The following CRTC3 variants were observed in gnomAD, a reference collection of about 807,000 sequenced individuals.
CRTC3 encodes CREB regulated transcription coactivator 3.
Under a neutral mutation model 74.5 loss-of-function variants are expected in CRTC3, and 26 were observed. The observed-to-expected ratio is 0.35, with a 90% CI of 0.26 to 0.48. The LOEUF is 0.48. CRTC3 is among the 20% of genes least tolerant of loss of function. The probability of loss-of-function intolerance (pLI) is 0.99; values close to 1 mark genes in which losing one functional copy is unlikely to be tolerated. For synonymous variants in CRTC3, 377 were observed against 325.8 expected, an observed-to-expected ratio of 1.16 and a Z score of -1.69; for missense variants, 760 against 787.3, an observed-to-expected ratio of 0.97 and a Z score of 0.41.
rs538768731 is a variant in CRTC3, at chr15:90,642,587, C to T, written c.*447C>T. Reference sequence around the variant, plus strand: ...GGCGGCGGCACCGGAGAGGGCACCTCGATGCCTGCTCTGACCTGACCCAGA... The same window carrying T: ...GGCGGCGGCACCGGAGAGGGCACCTTGATGCCTGCTCTGACCTGACCCAGA... On this transcript the variant is annotated 3_prime_UTR_variant, in exon 15 of 15. Transcript: ENST00000268184. 2.1e-4 allele frequency: 65 copies of T among 307,246 alleles called. No homozygotes were observed. The highest frequency in any genetic ancestry group is 1.3e-3 in the African/African-American group (63 of 47,304). 19.0% of individuals were successfully genotyped at this position (307,246 alleles called of 1,614,324 possible).
Position 90,580,531 on chromosome 15 carries a change from G to A in CRTC3, c.232-13105G>A, listed in dbSNP as rs141910341. On this transcript the variant is annotated intron_variant, in intron 2 of 14. Coordinates refer to ENST00000268184, the MANE Select transcript of CRTC3 (RefSeq NM_022769.5). ...GCACCTCTGCCTCCTGGGTTCAAGCGATTCTCCTGCCTTAGATTCCAGAGT... is the reference window on the plus strand; with the variant it reads ...GCACCTCTGCCTCCTGGGTTCAAGCAATTCTCCTGCCTTAGATTCCAGAGT... 8.6e-5 allele frequency among the ~76,000 whole-genome samples: 13 copies of A among 151,662 alleles called. No individual in the cohort carries two copies. The East Asian group carries it at 1.2e-3, about 14-fold the overall frequency.
intron 2 of CRTC3, among the ~76,000 whole-genome samples, chr15:90,581,960 C>A (rs1403087595): frequency 6.6e-6 from 1 of 152,120 alleles, no homozygotes; most frequent in African/African-American, 2.4e-5. Flanking sequence ...TGTCTCCTTT[C>A]CTGCTTGGCC....
At chr15:90,573,804 G>C (rs1000667192) in intron 2 of CRTC3, among the ~76,000 whole-genome samples, 1 of 152,202 alleles carries the variant, frequency 6.6e-6, no homozygotes, top group African/African-American at 2.4e-5. Context: ...AAAAAGTGCA[G>C]TGAACAGTAT....
rs538644015 is a variant in CRTC3, at chr15:90,549,468, A to G, written c.231+9331A>G. Among the ~76,000 whole-genome samples, 38 of 152,282 alleles carry G rather than the reference A, an allele frequency of 2.5e-4. No individual in the cohort carries two copies. In the South Asian group the frequency reaches 6.2e-3, roughly 25 times the overall value. ...ATTTGAAAATTTTAAAGCCTTTTTA[A>G]TAACTATTAGATATACTATCAGGCA... On this transcript the variant is annotated intron_variant, in intron 2 of 14. Coordinates refer to ENST00000268184, the MANE Select transcript of CRTC3 (RefSeq NM_022769.5).
At chr15:90,574,453 G>T (rs1419134644) in intron 2 of CRTC3, among the ~76,000 whole-genome samples, 1 of 152,084 alleles carries the variant, frequency 6.6e-6, no homozygotes, top group Non-Finnish European at 1.5e-5. Context: ...ACTCTAGCCT[G>T]GTGACAGAGC....
chr15:90,642,260 G>T lies in CRTC3; in HGVS notation c.*120G>T. 7.9e-6 allele frequency: 6 copies of T among 760,992 alleles called. No homozygotes were observed. Among genetic ancestry groups the T allele is most frequent in the Non-Finnish European group, 1.3e-5 (6 of 461,464 alleles). The allele number at this position is 760,992 out of a possible 1,614,324, so 47.1% of individuals were successfully genotyped here. A position where few individuals can be genotyped will look rare whatever the true frequency, so the allele number is the denominator to read the frequency against. ...TTGACATAGAAGGAAGCAATGCCAC[G>T]GCTCCAGGGTTTCAGATGAGATCCC... On this transcript the variant is annotated 3_prime_UTR_variant, in exon 15 of 15. Transcript: ENST00000268184.
chr15:90,593,673 G>C lies in CRTC3; in HGVS notation c.269G>C (p.Arg90Pro), dbSNP rs1426779192. 1 of 1,610,472 alleles carries C rather than the reference G, an allele frequency of 6.2e-7. No individual in the cohort carries two copies. The highest frequency in any genetic ancestry group is 1.3e-5 in the African/African-American group (1 of 74,878). The stretch of plus-strand genomic sequence containing the variant: ...CAAGCTGATAATGTTCGGGGAACCC[G>C]CCATCACGGGCTGGTGGAGAGGCCA... Reference protein sequence around the residue: ...FHQADNVRGTRHHGLVERPSR... With the variant: ...FHQADNVRGTPHHGLVERPSR... The change falls in exon 3 of 15, where the codon CGC (arginine) becomes CCC (proline). Residue 90 changes from arginine to proline, a missense_variant. Around this residue, in one of 2 missense-constraint regions of CRTC3, gnomAD observed 108 missense variants for 152.1 expected, o/e 0.71. Coordinates refer to ENST00000268184, the MANE Select transcript of CRTC3 (RefSeq NM_022769.5).
rs1018625407 is a variant in CRTC3, at chr15:90,643,286, T to G, written c.*1146T>G. The G allele has an allele frequency of 4.3e-6, 1 of 231,942 alleles. No individual in the cohort carries two copies. Among genetic ancestry groups the G allele is most frequent in the African/African-American group, 2.2e-5 (1 of 45,282 alleles). The allele number at this position is 231,942 out of a possible 1,614,324, so 14.4% of individuals were successfully genotyped here. A position where few individuals can be genotyped will look rare whatever the true frequency, so the allele number is the denominator to read the frequency against. On this transcript the variant is annotated 3_prime_UTR_variant, in exon 15 of 15. Transcript: ENST00000268184. ...TAGCTATCCCCTTCCCTGCCAGATCTTCTCAGAGCTTTAGCTTTTCTAGCA... is the reference window on the plus strand; with the variant it reads ...TAGCTATCCCCTTCCCTGCCAGATCGTCTCAGAGCTTTAGCTTTTCTAGCA...
chr15:90,618,931 G>A (rs1414449085), intron 8 of CRTC3, among the ~76,000 whole-genome samples: 1 of 152,216 alleles, frequency 6.6e-6, no homozygotes, highest in Non-Finnish European at 1.5e-5. Context: ...CTCCACCAAA[G>A]AGGGCAGTGG....
chr15:90,631,496 G>C (rs1174375315), intron 11 of CRTC3, among the ~76,000 whole-genome samples: 1 of 152,108 alleles, frequency 6.6e-6, no homozygotes, highest in Admixed American at 6.5e-5. Context: ...GGGAGTCCAA[G>C]GCAGACGGAT....
intron 2 of CRTC3, among the ~76,000 whole-genome samples, chr15:90,572,279 C>T (rs537737157): frequency 1.3e-5 from 2 of 152,042 alleles, no homozygotes; most frequent in South Asian, 4.2e-4. Context: ...GTAGCTATCC[C>T]ATCATTTATA....
chr15:90,643,625 A>G lies in CRTC3; in HGVS notation c.*1485A>G. On this transcript the variant is annotated 3_prime_UTR_variant, in exon 15 of 15. Transcript: ENST00000268184. ...ATTCATGGAAGCATCATTAGTCATC[A>G]ATACCTTCTCATAAAATAGATGGGC... 1 of 231,962 alleles carries G rather than the reference A, an allele frequency of 4.3e-6. No homozygotes were observed. The allele number at this position is 231,962 out of a possible 1,614,324, so 14.4% of individuals were successfully genotyped here. A position where few individuals can be genotyped will look rare whatever the true frequency, so the allele number is the denominator to read the frequency against.
rs950809745 is a variant in CRTC3, at chr15:90,620,572, C to T, written c.749+782C>T. On this transcript the variant is annotated intron_variant, in intron 9 of 14. Transcript: ENST00000268184. ...CTTGGGAGGGCCGGCTGGTGTGCTGCGTGGGACGGTACAGACAGCTGCTGG... is the reference window on the plus strand; with the variant it reads ...CTTGGGAGGGCCGGCTGGTGTGCTGTGTGGGACGGTACAGACAGCTGCTGG... 4.6e-5 allele frequency among the ~76,000 whole-genome samples: 7 copies of T among 152,046 alleles called. No homozygotes were observed. In the South Asian group the frequency reaches 6.2e-4, roughly 13 times the overall value.
intron 11 of CRTC3, among the ~76,000 whole-genome samples, chr15:90,631,169 T>C (rs1208829844): frequency 6.6e-6 from 1 of 152,216 alleles, no homozygotes; most frequent in Admixed American, 6.5e-5. Flanking sequence ...TAGAGGATCT[T>C]GTTATTGGTC....
intron 2 of CRTC3, among the ~76,000 whole-genome samples, chr15:90,544,806 A>G (rs1236880700): frequency 2.6e-5 from 4 of 152,154 alleles, no homozygotes; most frequent in African/African-American, 9.7e-5. Context: ...TCAGAGTTTC[A>G]AAAAAATGGT....
At position 90,597,526 on chromosome 15, in the gene CRTC3, A is replaced by G. The variant is rs1291578386; in HGVS notation, c.351+3771A>G. On this transcript the variant is annotated intron_variant, in intron 3 of 14. Transcript: ENST00000268184. ...CATAATGAGATGAAAATGTTAGGAC[A>G]TTGGTTTATAGGACACTGTTTCTTT... is the stretch of plus-strand genomic sequence containing the variant. Among the ~76,000 whole-genome samples, 6 of 152,286 alleles carry G rather than the reference A, an allele frequency of 3.9e-5. No homozygotes were observed. The East Asian group carries it at 1.2e-3, about 29-fold the overall frequency.
intron 11 of CRTC3, among the ~76,000 whole-genome samples, chr15:90,634,495 G>A (rs1010712938): frequency 3.3e-5 from 5 of 152,172 alleles, no homozygotes; most frequent in Non-Finnish European, 7.4e-5. Context: ...GATTTTCTTA[G>A]TAGCCTAAAT....
At chr15:90,627,185 G>A (rs968270211) in intron 10 of CRTC3, among the ~76,000 whole-genome samples, 1 of 152,238 alleles carries the variant, frequency 6.6e-6, no homozygotes, top group Non-Finnish European at 1.5e-5. Context: ...GCTGCCTGGT[G>A]CAACACAATC....
At chr15:90,566,439 A>G (rs1967123612) in intron 2 of CRTC3, among the ~76,000 whole-genome samples, 1 of 151,764 alleles carries the variant, frequency 6.6e-6, no homozygotes. Flanking sequence ...AGTCGTAGCT[A>G]CTTGGAAGGC....
Sources: gnomAD v4.1 joint callset for allele counts (sites outside exome capture counted in the v4.1 genomes callset) on GRCh38, gnomAD v4.1.1 for gene constraint, gnomAD v4.1.1 regional missense constraint, MANE v1.5 for transcripts, NCBI Gene and HGNC (gene_info 2026-07-23, HGNC 2026-07-21) for gene names.